The following CADM2 variants were observed in gnomAD, a reference collection of about 807,000 sequenced individuals.
CADM2 encodes cell adhesion molecule 2, also known as immunoglobulin superfamily member 4D.
CADM2 carries 12 observed loss-of-function variants against 49.8 expected under a neutral mutation model. That is an observed-to-expected ratio of 0.24 (90% CI 0.15 to 0.39). The LOEUF is 0.39. CADM2 is among the 10% of genes least tolerant of loss of function. The probability of loss-of-function intolerance (pLI) is 1.00; values close to 1 mark genes in which losing one functional copy is unlikely to be tolerated. For synonymous variants in CADM2, 214 were observed against 175.4 expected (o/e 1.22, Z -1.74); for missense variants, 378 against 492.3 (o/e 0.77, Z 2.20).
chr3:85,229,988 G>A (rs1576169639), intron 1 of CADM2, among the ~76,000 whole-genome samples: 3 of 152,296 alleles, frequency 2.0e-5, no homozygotes, highest in East Asian at 3.9e-4. Context: ...TGATGAGAAA[G>A]ACACGTGGGT....
chr3:86,021,437 A>C (rs1484781865), intron 8 of CADM2, among the ~76,000 whole-genome samples: 1 of 152,176 alleles, frequency 6.6e-6, no homozygotes, highest in Non-Finnish European at 1.5e-5. Context: ...ATAGAAATTC[A>C]TTAGTGTAGA....
At chr3:85,716,404 G>A (rs899613100) in intron 1 of CADM2, among the ~76,000 whole-genome samples, 6 of 151,972 alleles carry the variant, frequency 3.9e-5, no homozygotes, top group African/African-American at 1.4e-4. Context: ...CTAGATATTA[G>A]ACCTTTGTCA....
At chr3:85,738,477 T>G (rs2068239139) in intron 2 of CADM2, among the ~76,000 whole-genome samples, 1 of 152,228 alleles carries the variant, frequency 6.6e-6, no homozygotes, top group African/African-American at 2.4e-5. Flanking sequence ...TAACAAATGC[T>G]TTGGGATTTT....
intron 1 of CADM2, among the ~76,000 whole-genome samples, chr3:85,171,085 G>A (rs2040613143): frequency 6.6e-6 from 1 of 152,080 alleles, no homozygotes; most frequent in Non-Finnish European, 1.5e-5. Context: ...TTTTGTAAAT[G>A]TACATGAGGC....
intron 1 of CADM2, among the ~76,000 whole-genome samples, chr3:85,212,886 C>CTCTCTCTCTCTCTCTCTCTCTCTCTT (rs1553696376): frequency 1.3e-5 from 1 of 77,956 alleles, no homozygotes; most frequent in East Asian, 3.9e-4. Context: ...TTCTTTCTTT[C>CTCTCTCTCTCTCTCTCTCTCTCTCTT]TCTTTCTTTC....
chr3:85,816,242 G>T (rs2073194832), intron 3 of CADM2, among the ~76,000 whole-genome samples: 1 of 150,274 alleles, frequency 6.7e-6, no homozygotes. Flanking sequence ...TTTAGTTTGA[G>T]GCAGGTGTAA....
intron 1 of CADM2, among the ~76,000 whole-genome samples, chr3:85,021,404 A>G (rs2034504569): frequency 6.6e-6 from 1 of 152,208 alleles, no homozygotes; most frequent in African/African-American, 2.4e-5. Flanking sequence ...TGAAAGGAAC[A>G]GGCATTATCT....
At chr3:85,731,754 A>G (rs1216574549) in intron 2 of CADM2, among the ~76,000 whole-genome samples, 3 of 152,066 alleles carry the variant, frequency 2.0e-5, no homozygotes, top group African/African-American at 7.2e-5. Flanking sequence ...CAAAGTACAT[A>G]AATGATATTA....
intron 1 of CADM2, among the ~76,000 whole-genome samples, chr3:85,014,452 G>GA (rs1280271248): frequency 7.2e-5 from 11 of 151,908 alleles, no homozygotes; most frequent in Non-Finnish European, 1.5e-5. Context: ...GTGTGCATAG[G>GA]AAAAAAACAT....
chr3:85,952,395 G>A (rs1577758005), intron 7 of CADM2, among the ~76,000 whole-genome samples: 1 of 150,732 alleles, frequency 6.6e-6, no homozygotes, highest in Non-Finnish European at 1.5e-5. Flanking sequence ...TTGGAAACAT[G>A]GTTGGCACCT....
At chr3:85,732,488 C>T (rs928324958) in intron 2 of CADM2, among the ~76,000 whole-genome samples, 8 of 152,074 alleles carry the variant, frequency 5.3e-5, no homozygotes, top group Non-Finnish European at 1.5e-5. Flanking sequence ...TGGAAGACCC[C>T]GAGCTAGTAC....
intron 3 of CADM2, among the ~76,000 whole-genome samples, chr3:85,837,886 T>C (rs1269468602): frequency 2.6e-5 from 4 of 151,786 alleles, no homozygotes; most frequent in Non-Finnish European, 4.4e-5. Context: ...GTGATAAAAG[T>C]ATGCTGCATT....
intron 1 of CADM2, among the ~76,000 whole-genome samples, chr3:85,614,091 T>A (rs73843695): frequency 0.011 from 1,694 of 151,672 alleles, 35 homozygotes; most frequent in African/African-American, 0.039. Context: ...AATTAAAATA[T>A]AAAGATAATA....
At chr3:85,007,100 T>A (rs1200455275) in intron 1 of CADM2, among the ~76,000 whole-genome samples, 1 of 152,108 alleles carries the variant, frequency 6.6e-6, no homozygotes, top group African/African-American at 2.4e-5. Flanking sequence ...AGCTATCTCT[T>A]TTGGAGGTAA....
chr3:85,910,320 G>A (rs1717414091), intron 5 of CADM2, among the ~76,000 whole-genome samples: 1 of 151,926 alleles, frequency 6.6e-6, no homozygotes, highest in Non-Finnish European at 1.5e-5. Flanking sequence ...AGTAAACGTT[G>A]GGCATAGAGT....
chr3:85,321,387 G>A (rs554096273), intron 1 of CADM2, among the ~76,000 whole-genome samples: 12 of 151,358 alleles, frequency 7.9e-5, no homozygotes, highest in African/African-American at 2.9e-4. Flanking sequence ...GTTTCGTCAT[G>A]TTGGCCAGGC....
chr3:85,762,254 C>A (rs937922497), intron 2 of CADM2, among the ~76,000 whole-genome samples: 1 of 152,040 alleles, frequency 6.6e-6, no homozygotes, highest in Admixed American at 6.6e-5. Flanking sequence ...CAATAGTCCC[C>A]CTTGAGACTC....
chr3:85,896,930 G>A (rs1309929718), intron 5 of CADM2, among the ~76,000 whole-genome samples: 1 of 152,102 alleles, frequency 6.6e-6, no homozygotes, highest in Non-Finnish European at 1.5e-5. Context: ...TTTTAAAGTA[G>A]ACTTACTAAG....
chr3:85,592,229 T>C (rs959551020), intron 1 of CADM2, among the ~76,000 whole-genome samples: 3 of 151,776 alleles, frequency 2.0e-5, no homozygotes, highest in Non-Finnish European at 4.4e-5. Context: ...GAGAGAAAAA[T>C]TGTAGAGAAA....
Sources: allele counts gnomAD v4.1 joint callset (sites outside exome capture counted in the v4.1 genomes callset), GRCh38; gene constraint gnomAD v4.1.1; transcripts MANE v1.5; gene names NCBI Gene and HGNC (gene_info 2026-07-23, HGNC 2026-07-21).